Variants in GBE1 observed in about 807,000 individuals in gnomAD.
The protein encoded by GBE1 is 1,4-alpha-glucan-branching enzyme.
A neutral mutation model predicts 88.8 loss-of-function variants in GBE1; 70 were observed. That is an observed-to-expected ratio of 0.79 (90% CI 0.65 to 0.96). The LOEUF (loss-of-function observed/expected upper bound fraction) is 0.96, where lower values mean the gene tolerates loss of function less well. Among genes scored for constraint, GBE1 ranks in the 40% least tolerant of loss-of-function variants. GBE1 has a pLI of 0.00. For missense variants in GBE1, 872 were observed against 871.0 expected, an observed-to-expected ratio of 1.00 and a Z score of -0.01; for synonymous variants, 284 against 300.1, an observed-to-expected ratio of 0.95 and a Z score of 0.56.
At chr3:81,724,864 T>G (rs779686038) in intron 1 of GBE1, among the ~76,000 whole-genome samples, 10 of 152,192 alleles carry the variant, frequency 6.6e-5, no homozygotes, top group Non-Finnish European at 1.5e-4. Flanking sequence ...AACAACTGCA[T>G]TTAAACTTAC....
intron 7 of GBE1, among the ~76,000 whole-genome samples, chr3:81,600,592 T>C (rs1704019359): frequency 6.6e-6 from 1 of 152,172 alleles, no homozygotes; most frequent in African/African-American, 2.4e-5. Flanking sequence ...CTGATTTTTA[T>C]TCCAGTCTGA....
intron 12 of GBE1, among the ~76,000 whole-genome samples, chr3:81,566,198 C>T (rs546373289): frequency 2.0e-5 from 3 of 152,272 alleles, no homozygotes; most frequent in East Asian, 1.9e-4. Context: ...ATATCTTTTA[C>T]GACCTCTTAA....
intron 1 of GBE1, among the ~76,000 whole-genome samples, chr3:81,758,229 G>A (rs1706630039): frequency 6.6e-6 from 1 of 152,202 alleles, no homozygotes; most frequent in African/African-American, 2.4e-5. Context: ...GTTTTGTTAT[G>A]AGGATTACAT....
intron 7 of GBE1, among the ~76,000 whole-genome samples, chr3:81,628,387 G>T (rs1479668415): frequency 6.6e-6 from 1 of 152,014 alleles, no homozygotes; most frequent in Non-Finnish European, 1.5e-5. Context: ...ACATGAAGAA[G>T]ACCCTAGATG....
chr3:81,685,675 C>T (rs1004418504), intron 2 of GBE1, among the ~76,000 whole-genome samples: 4 of 152,208 alleles, frequency 2.6e-5, no homozygotes, highest in Admixed American at 2.0e-4. Context: ...AGCCATTGCG[C>T]TCAGCGATTC....
At chr3:81,610,671 G>T (rs1037320673) in intron 7 of GBE1, among the ~76,000 whole-genome samples, 33 of 152,270 alleles carry the variant, frequency 2.2e-4, no homozygotes, top group Admixed American at 1.8e-3. Flanking sequence ...AAGCGCCAAG[G>T]CTTGCGGAGA....
At chr3:81,668,790 T>A (rs1180202531) in intron 3 of GBE1, among the ~76,000 whole-genome samples, 1 of 152,204 alleles carries the variant, frequency 6.6e-6, no homozygotes, top group Non-Finnish European at 1.5e-5. Context: ...ATTTAAAAAC[T>A]TGAAACAGCC....
At chr3:81,705,126 T>G (rs1447050534) in intron 2 of GBE1, among the ~76,000 whole-genome samples, 3 of 152,158 alleles carry the variant, frequency 2.0e-5, no homozygotes, top group Non-Finnish European at 4.4e-5. Flanking sequence ...GGATTGCTAT[T>G]GGTTTTGTCA....
At chr3:81,541,161 TG>T (rs1703137918) in intron 12 of GBE1, among the ~76,000 whole-genome samples, 2 of 152,012 alleles carry the variant, frequency 1.3e-5, no homozygotes, top group Admixed American at 6.6e-5. Flanking sequence ...ATCTTGACTT[TG>T]TAGTGGAGTT....
intron 5 of GBE1, among the ~76,000 whole-genome samples, chr3:81,648,146 G>C (rs915083346): frequency 5.3e-5 from 8 of 151,980 alleles, no homozygotes; most frequent in African/African-American, 1.9e-4. Context: ...CTTTCTTCTA[G>C]CCAAAATTTG....
chr3:81,701,419 A>G (rs576205438), intron 2 of GBE1, among the ~76,000 whole-genome samples: 42 of 152,212 alleles, frequency 2.8e-4, no homozygotes, highest in African/African-American at 9.9e-4. Flanking sequence ...TAGTTTTGGC[A>G]AAACAGACTA....
chr3:81,491,737 CTTTCAGAGGT>C (rs1408983079), intron 15 of GBE1, among the ~76,000 whole-genome samples: 1 of 151,856 alleles, frequency 6.6e-6, no homozygotes, highest in Non-Finnish European at 1.5e-5. Flanking sequence ...AAAAAAAAAG[CTTTCAGAGGT>C]TAGAACCAGA....
intron 14 of GBE1, among the ~76,000 whole-genome samples, chr3:81,521,967 A>C (rs1191690677): frequency 2.0e-5 from 3 of 151,558 alleles, no homozygotes; most frequent in African/African-American, 7.2e-5. Context: ...GCAGCATCAA[A>C]ATAAAGGAAG....
chr3:81,700,583 G>T (rs1480343865), intron 2 of GBE1, among the ~76,000 whole-genome samples: 1 of 151,982 alleles, frequency 6.6e-6, no homozygotes, highest in African/African-American at 2.4e-5. Context: ...ACAGATTACA[G>T]TTCACAGAAC....
chr3:81,734,839 A>T (rs1163213558), intron 1 of GBE1, among the ~76,000 whole-genome samples: 1 of 152,180 alleles, frequency 6.6e-6, no homozygotes, highest in Non-Finnish European at 1.5e-5. Context: ...CTGTAGTTTT[A>T]GTTACCTGAG....
intron 1 of GBE1, among the ~76,000 whole-genome samples, 192 bp downstream of exon 1, chr3:81,761,183 G>A (rs1467257474): frequency 1.3e-5 from 2 of 152,364 alleles, no homozygotes; most frequent in Admixed American, 6.5e-5. Flanking sequence ...CCGGGCACCA[G>A]CGCTGTCAAA....
At position 81,522,246 on chromosome 3, in the gene GBE1, T is replaced by C. The variant is rs140320755; in HGVS notation, c.1934+12949A>G. 1.5e-3 allele frequency among the ~76,000 whole-genome samples: 221 copies of C among 151,664 alleles called. 2 individuals are homozygous for C. Among genetic ancestry groups the C allele is most frequent in the African/African-American group, 5.2e-3 (215 of 41,472 alleles). On this transcript the variant is annotated intron_variant, in intron 14 of 15. Coordinates refer to ENST00000429644, the MANE Select transcript of GBE1 (RefSeq NM_000158.4). Reference sequence around the variant, plus strand: ...CATAGAACAGGTGTTAGCCTCAGAGTACAGAACTAATGCGTTGATTTTAAG... The same window carrying C: ...CATAGAACAGGTGTTAGCCTCAGAGCACAGAACTAATGCGTTGATTTTAAG...
At chr3:81,613,417 G>A (rs750510397) in intron 7 of GBE1, among the ~76,000 whole-genome samples, 2 of 152,074 alleles carry the variant, frequency 1.3e-5, no homozygotes, top group African/African-American at 2.4e-5. Context: ...CTGTGTAGTA[G>A]TGCATACAAT....
At chr3:81,601,293 GT>G (rs1704029688) in intron 7 of GBE1, among the ~76,000 whole-genome samples, 1 of 152,128 alleles carries the variant, frequency 6.6e-6, no homozygotes, top group African/African-American at 2.4e-5. Context: ...AAAAAACCAT[GT>G]CCTGGATCAC....
Sources: allele counts gnomAD v4.1 joint callset (sites outside exome capture counted in the v4.1 genomes callset), GRCh38; gene constraint gnomAD v4.1.1; transcripts MANE v1.5; gene names NCBI Gene and HGNC (gene_info 2026-07-23, HGNC 2026-07-21).